ADGRV1: variants seen among roughly 807,000 people sequenced by gnomAD.
ADGRV1 encodes G-protein coupled receptor 98.
A neutral mutation model predicts 596.2 loss-of-function variants in ADGRV1; 359 were observed. The observed-to-expected ratio is 0.60, with a 90% CI of 0.55 to 0.66. ADGRV1 has a LOEUF of 0.66. ADGRV1 is among the 30% of genes least tolerant of loss of function. The pLI is 0.00. For missense variants in ADGRV1, 7,274 were observed against 7,575.6 expected (o/e 0.96, Z 1.48); for synonymous variants, 2,681 against 2,679.2 (o/e 1.00, Z -0.02).
intron 87 of ADGRV1, among the ~76,000 whole-genome samples, chr5:91,139,594 T>C (rs1794933111): frequency 6.6e-6 from 1 of 152,180 alleles, no homozygotes; most frequent in Non-Finnish European, 1.5e-5. Flanking sequence ...TATATAGTCT[T>C]TTGCTCTGAA....
rs764238043 is a variant in ADGRV1 at position 90,689,923 on chromosome 5, G to A, written c.6553G>A (p.Val2185Met). The change falls in exon 30 of 90, where the codon GTG becomes ATG. Residue 2185 changes from valine to methionine, a missense_variant. Val to Met is a conservative substitution (Grantham distance 21). Around this residue, in one of 5 missense-constraint regions of ADGRV1, gnomAD observed 3,643 missense variants for 3,809.2 expected, o/e 0.96. Coordinates refer to ENST00000405460, the MANE Select transcript of ADGRV1 (RefSeq NM_032119.4). ...VLLEGETSKA[V>M]PIYVINDIYP... ...GCTAGAAGGGGAAACCAGTAAAGCCGTGCCAATATATGTCATTAATGATAT... is the reference window on the plus strand; with the variant it reads ...GCTAGAAGGGGAAACCAGTAAAGCCATGCCAATATATGTCATTAATGATAT... 1.9e-5 allele frequency: 31 copies of A among 1,613,094 alleles called. No homozygotes were observed. Among genetic ancestry groups the A allele is most frequent in the Non-Finnish European group, 2.3e-5 (27 of 1,179,498 alleles).
intron 83 of ADGRV1, among the ~76,000 whole-genome samples, chr5:90,950,173 A>T (rs1349405866): frequency 6.6e-6 from 1 of 152,178 alleles, no homozygotes; most frequent in Non-Finnish European, 1.5e-5. Flanking sequence ...GGAATGTCTT[A>T]TTCCCACTTT....
chr5:91,074,733 C>A (rs1457370575), intron 86 of ADGRV1, among the ~76,000 whole-genome samples: 2 of 152,174 alleles, frequency 1.3e-5, no homozygotes, highest in Non-Finnish European at 2.9e-5. Context: ...GCTTTGAGTT[C>A]TTTGAGAGAC....
At position 90,778,945 on chromosome 5, in the gene ADGRV1, A is replaced by G. The variant is rs747210770; in HGVS notation, c.12930A>G (p.Glu4310=). Residue 4310 remains glutamate (E), a synonymous_variant, in exon 64 of 90, where the codon GAA becomes GAG. Coordinates refer to ENST00000405460, the MANE Select transcript of ADGRV1 (RefSeq NM_032119.4). ...LWYKTMSGTA[E]AGLDFVPAAG... ...ACAAGACGATGAGCGGGACAGCGGA[A>G]GCAGGCTTGGATTTTGTTCCTGCAG... 9 of 1,613,536 alleles carry G rather than the reference A, an allele frequency of 5.6e-6. No homozygotes were observed. In the Admixed American group the frequency reaches 1.5e-4, roughly 27 times the overall value.
At chr5:90,566,332 A>G (rs1755627627) in intron 1 of ADGRV1, among the ~76,000 whole-genome samples, 1 of 152,052 alleles carries the variant, frequency 6.6e-6, no homozygotes, top group African/African-American at 2.4e-5. Context: ...TTTTGTGTTA[A>G]TTTTTAATAT....
intron 67 of ADGRV1, among the ~76,000 whole-genome samples, chr5:90,785,838 T>A (rs1418279759): frequency 6.6e-6 from 1 of 152,178 alleles, no homozygotes; most frequent in African/African-American, 2.4e-5. Flanking sequence ...TGGAAGACAG[T>A]GTGGCGATTC....
intron 83 of ADGRV1, among the ~76,000 whole-genome samples, chr5:90,930,008 T>A (rs566305713): frequency 4.6e-5 from 7 of 152,340 alleles, no homozygotes; most frequent in African/African-American, 1.4e-4. Flanking sequence ...AGTCTATATT[T>A]AAAATAGGCA....
intron 85 of ADGRV1, among the ~76,000 whole-genome samples, chr5:91,049,692 G>C (rs1420193998): frequency 6.6e-6 from 1 of 152,140 alleles, no homozygotes; most frequent in Non-Finnish European, 1.5e-5. Flanking sequence ...ATTTTCATAA[G>C]AAAAATGGCA....
rs1426186345 is a variant in ADGRV1, at chr5:90,757,131, T to A, written c.11910T>A (p.Ser3970=). ...DSAGLEDFKP[S]HGILEFADKQ... ...CTGGCCTGGAAGACTTTAAACCATCTCATGGGATTCTTGAATTTGCAGATA... is the reference window on the plus strand; with the variant it reads ...CTGGCCTGGAAGACTTTAAACCATCACATGGGATTCTTGAATTTGCAGATA... Residue 3970 remains serine (S), a synonymous_variant, in exon 57 of 90, where the codon TCT becomes TCA. Coordinates refer to ENST00000405460, the MANE Select transcript of ADGRV1 (RefSeq NM_032119.4). The A allele has an allele frequency of 6.8e-6, 11 of 1,613,776 alleles. No homozygotes were observed. Among genetic ancestry groups the A allele is most frequent in the Non-Finnish European group, 8.5e-6 (10 of 1,179,828 alleles).
At chr5:91,071,922 C>T (rs944106842) in intron 85 of ADGRV1, among the ~76,000 whole-genome samples, 2 of 152,176 alleles carry the variant, frequency 1.3e-5, no homozygotes, top group Non-Finnish European at 2.9e-5. Context: ...GGGGATCTGC[C>T]TGCCTCGGCC....
At chr5:90,611,263 G>A (rs1762703828) in intron 1 of ADGRV1, among the ~76,000 whole-genome samples, 1 of 151,870 alleles carries the variant, frequency 6.6e-6, no homozygotes, top group African/African-American at 2.4e-5. Context: ...GCAAAATTAG[G>A]TGACTTGTTG....
chr5:90,586,475 C>G (rs536180393), intron 1 of ADGRV1, among the ~76,000 whole-genome samples: 4 of 152,188 alleles, frequency 2.6e-5, no homozygotes, highest in Non-Finnish European at 5.9e-5. Flanking sequence ...CACCAACCAA[C>G]AGTGATTTGT....
chr5:90,830,798 T>C (rs998738861), intron 77 of ADGRV1, among the ~76,000 whole-genome samples: 2 of 152,172 alleles, frequency 1.3e-5, no homozygotes, highest in Non-Finnish European at 2.9e-5. Context: ...TAAGTGTTTC[T>C]GTGAGGGTTA....
intron 70 of ADGRV1, among the ~76,000 whole-genome samples, chr5:90,793,558 A>G (rs74617980): frequency 0.03 from 4,500 of 152,324 alleles, 211 homozygotes; most frequent in African/African-American, 0.1. Flanking sequence ...TGTATATTAC[A>G]TGGACTAACA....
chr5:91,075,168 T>C (rs1268889579), intron 86 of ADGRV1, among the ~76,000 whole-genome samples: 1 of 152,150 alleles, frequency 6.6e-6, no homozygotes, highest in African/African-American at 2.4e-5. Context: ...TCTTTTGCTG[T>C]GCAGGAGCTC....
chr5:90,802,223 G>C (rs1761450258), intron 70 of ADGRV1, among the ~76,000 whole-genome samples: 1 of 151,630 alleles, frequency 6.6e-6, no homozygotes, highest in African/African-American at 2.4e-5. Context: ...GTTCTTTTTT[G>C]GGGGAGAAGG....
intron 87 of ADGRV1, among the ~76,000 whole-genome samples, chr5:91,119,292 G>A (rs1301163198): frequency 6.6e-6 from 1 of 152,162 alleles, no homozygotes; most frequent in Non-Finnish European, 1.5e-5. Context: ...CAGGTGCTGT[G>A]AGGAATCATA....
chr5:90,653,094 A>T, intron 19 of ADGRV1, 115 bp from the exon 20 acceptor site: 3 of 959,516 alleles, frequency 3.1e-6, no homozygotes, highest in Non-Finnish European at 4.6e-6. Flanking sequence ...TTTCATTGAT[A>T]ATGAGTAAAT....
rs16869091 is a variant in ADGRV1 at position 90,756,660 on chromosome 5, A to G, written c.11757+30A>G. 7,799 of 1,572,244 alleles carry G rather than the reference A, an allele frequency of 5.0e-3. 326 individuals are homozygous for G. In the African/African-American group the frequency reaches 0.095, roughly 19 times the overall value. On this transcript the variant is annotated intron_variant, in intron 56 of 89. Coordinates refer to ENST00000405460, the MANE Select transcript of ADGRV1 (RefSeq NM_032119.4). ...GATGAACTTTCATTTGTTTACAGTC[A>G]TACAGAGGCCTCTCCCTGCTGATTT...
Sources: allele counts gnomAD v4.1 joint callset (sites outside exome capture counted in the v4.1 genomes callset), GRCh38; gene constraint gnomAD v4.1.1; regional missense constraint gnomAD v4.1.1; transcripts MANE v1.5; gene names NCBI Gene and HGNC (gene_info 2026-07-23, HGNC 2026-07-21).